SKI: variants seen among roughly 807,000 people sequenced by gnomAD.
SKI encodes the protein ski oncogene.
SKI carries 23 observed loss-of-function variants against 59.3 expected under a neutral mutation model. The ratio of observed to expected loss-of-function variants is 0.39; its 90% confidence interval spans 0.28 to 0.55. The LOEUF (loss-of-function observed/expected upper bound fraction) is 0.55, where lower values mean the gene tolerates loss of function less well. Ranked by LOEUF, SKI falls within the 20% of genes least tolerant of loss-of-function variation. The probability of loss-of-function intolerance (pLI) is 0.67; values close to 1 mark genes in which losing one functional copy is unlikely to be tolerated. For synonymous variants in SKI, 673 were observed against 488.6 expected, an observed-to-expected ratio of 1.38 and a Z score of -4.98; for missense variants, 1,017 against 1,038.9, an observed-to-expected ratio of 0.98 and a Z score of 0.29.
intron 1 of SKI, among the ~76,000 whole-genome samples, chr1:2,282,828 C>T (rs935006704): frequency 1.3e-5 from 2 of 152,190 alleles, no homozygotes; most frequent in Admixed American, 6.5e-5. Context: ...TAGTGACATT[C>T]GCAAGGGTGG....
In SKI at chr1:2,229,353, C is replaced by A; in HGVS notation, c.587C>A (p.Pro196Gln). The change falls in exon 1 of 7, where the codon CCG (proline) becomes CAG (glutamine). Residue 196 changes from proline (P) to glutamine (Q), a missense_variant. By Grantham distance (76) the Pro-to-Gln change is moderately conservative. Transcript: ENST00000378536. This position sits in a 1 kb window ranked among gnomAD's most constrained non-coding sequence, Gnocchi z 6.3. ...CNALLYGGAY[P>Q]PPCKKELAAS... is the part of the protein sequence containing the mutation. ...GCGCTGCTCTACGGCGGCGCCTACC[C>A]GCCGCCCTGCAAGAAGGAGCTGGCC... is the stretch of plus-strand genomic sequence containing the variant. The A allele has an allele frequency of 6.3e-7, 1 of 1,596,306 alleles. No individual in the cohort carries two copies. Among genetic ancestry groups the A allele is most frequent in the East Asian group, 2.3e-5 (1 of 44,040 alleles).
chr1:2,296,735 G>C (rs931936376), intron 1 of SKI, among the ~76,000 whole-genome samples: 1 of 151,878 alleles, frequency 6.6e-6, no homozygotes, highest in African/African-American at 2.4e-5. Context: ...ATTGTTTTCT[G>C]GGAAGCCTTG....
At position 2,303,655 on chromosome 1, in the gene SKI, C is replaced by A; in HGVS notation, c.1212-185C>A. On this transcript the variant is annotated intron_variant, in intron 3 of 6. Transcript: ENST00000378536. This position sits in a 1 kb window ranked among gnomAD's most constrained non-coding sequence, Gnocchi z 5.6. ...CTTGATGTGTTGGCCTGTGTCTGGC[C>A]TTCGCAAGAGACCCAGCAAGCAGAA... 1 of 850,694 alleles carries A rather than the reference C, an allele frequency of 1.2e-6. No homozygotes were observed. The highest frequency in any genetic ancestry group is 1.8e-6 in the Non-Finnish European group (1 of 547,812). 52.7% of individuals were successfully genotyped at this position (850,694 alleles called of 1,614,324 possible). A position where few individuals can be genotyped will look rare whatever the true frequency, so the allele number is the denominator to read the frequency against.
intron 5 of SKI, 38 bp downstream of exon 5, chr1:2,304,623 G>T: frequency 6.6e-7 from 1 of 1,521,680 alleles, no homozygotes; most frequent in Non-Finnish European, 8.8e-7. Flanking sequence ...TCCAGGGCAC[G>T]GGCAGTGAGC....
chr1:2,306,348 A>G (rs1469541406), intron 6 of SKI, 98 bp downstream of exon 6: 1 of 1,218,706 alleles, frequency 8.2e-7, no homozygotes, highest in African/African-American at 1.5e-5. Flanking sequence ...GCCTTGGAGC[A>G]GAAGCCAGGC....
chr1:2,232,130 G>A (rs1057161389), intron 1 of SKI, among the ~76,000 whole-genome samples: 1 of 152,244 alleles, frequency 6.6e-6, no homozygotes, highest in Non-Finnish European at 1.5e-5. Flanking sequence ...CCTCCCACTC[G>A]TGTCTTGACA....
chr1:2,299,126 C>T (rs56341331), intron 1 of SKI, among the ~76,000 whole-genome samples: 4 of 152,252 alleles, frequency 2.6e-5, no homozygotes, highest in Non-Finnish European at 5.9e-5. Flanking sequence ...AGGAAGCGAC[C>T]GTCAGCGCCG....
chr1:2,293,166 G>A (rs1172297565), intron 1 of SKI, among the ~76,000 whole-genome samples: 4 of 152,226 alleles, frequency 2.6e-5, no homozygotes, highest in Non-Finnish European at 5.9e-5. Flanking sequence ...GTGTGAGCTG[G>A]GGGTTGGGGC....
chr1:2,259,687 A>G (rs1359400508), intron 1 of SKI, among the ~76,000 whole-genome samples: 3 of 152,316 alleles, frequency 2.0e-5, no homozygotes, highest in Middle Eastern at 3.4e-3. Context: ...CGTCACCCAG[A>G]AGCTCTCTCC....
Position 2,303,640 on chromosome 1 carries a change from T to C in SKI, c.1212-200T>C. On this transcript the variant is annotated intron_variant, in intron 3 of 6. Transcript: ENST00000378536. The surrounding 1 kb of genome is among the most constrained non-coding windows in gnomAD (Gnocchi z 5.6). ...TGCTGGGCGCAGCTTCTTGATGTGT[T>C]GGCCTGTGTCTGGCCTTCGCAAGAG... 2.7e-6 allele frequency: 2 copies of C among 752,462 alleles called. No homozygotes were observed. The highest frequency in any genetic ancestry group is 5.4e-5 in the East Asian group (2 of 37,256). 46.6% of individuals were successfully genotyped at this position (752,462 alleles called of 1,614,324 possible). A position where few individuals can be genotyped will look rare whatever the true frequency, so the allele number is the denominator to read the frequency against.
chr1:2,284,664 G>A (rs1639993948), intron 1 of SKI, among the ~76,000 whole-genome samples: 1 of 152,180 alleles, frequency 6.6e-6, no homozygotes, highest in Non-Finnish European at 1.5e-5. Context: ...GCCTCTTGCG[G>A]CGGCTCCCTC....
At position 2,267,246 on chromosome 1, in the gene SKI, G is replaced by A. The variant is rs182495196; in HGVS notation, c.970-35732G>A. Among the ~76,000 whole-genome samples the A allele has an allele frequency of 1.3e-3, 203 of 152,246 alleles. 1 individual carries two copies. Among genetic ancestry groups the A allele is most frequent in the African/African-American group, 4.7e-3 (194 of 41,544 alleles). Reference sequence around the variant, plus strand: ...AATAACATCTGCAGGCACAGGCGACGATAGCAGTTGTGGGCCAGCCGTCAG... The same window carrying A: ...AATAACATCTGCAGGCACAGGCGACAATAGCAGTTGTGGGCCAGCCGTCAG... On this transcript the variant is annotated intron_variant, in intron 1 of 6. Transcript: ENST00000378536. The surrounding 1 kb of genome is among the most constrained non-coding windows in gnomAD (Gnocchi z 4.1).
chr1:2,282,684 G>C (rs1639920384), intron 1 of SKI, among the ~76,000 whole-genome samples: 1 of 152,200 alleles, frequency 6.6e-6, no homozygotes, highest in Non-Finnish European at 1.5e-5. Flanking sequence ...TAGGGCCTGG[G>C]TAGGGGCTGC....
At chr1:2,276,644 G>C (rs1247926051) in intron 1 of SKI, among the ~76,000 whole-genome samples, 1 of 152,252 alleles carries the variant, frequency 6.6e-6, no homozygotes, top group African/African-American at 2.4e-5. Flanking sequence ...CTCACTGTGT[G>C]GGGCTGGGGA....
intron 1 of SKI, among the ~76,000 whole-genome samples, chr1:2,274,894 G>A (rs1227421201): frequency 6.6e-6 from 1 of 152,214 alleles, no homozygotes; most frequent in Non-Finnish European, 1.5e-5. Context: ...TCAGCAGAGG[G>A]GACAAGACCC....
Position 2,306,016 on chromosome 1 carries a change from C to T in SKI, c.1768-4C>T, listed in dbSNP as rs200246585. 6.4e-6 allele frequency: 10 copies of T among 1,570,924 alleles called. No homozygotes were observed. In the East Asian group the frequency reaches 2.1e-4, roughly 33 times the overall value. On this transcript the variant is annotated splice_polypyrimidine_tract_variant and splice_region_variant and intron_variant, in intron 5 of 6. Transcript: ENST00000378536. Reference sequence around the variant, plus strand: ...AGTGACCCCGAGCCGCCTCCGGCCCCCAGGAGCTGGAGTTCCTACGCGTGG... The same window carrying T: ...AGTGACCCCGAGCCGCCTCCGGCCCTCAGGAGCTGGAGTTCCTACGCGTGG...
rs946543006 is a variant in SKI at position 2,228,908 on chromosome 1, A to G, written c.142A>G (p.Lys48Glu). ...GGCGCGCTGGGCGCAGGAGGCCTAC[A>G]AGAAGGAGAGCGCCAAGGAGGCGGG... ...FSARWAQEAYKKESAKEAGAA... is the reference protein window; with the variant it reads ...FSARWAQEAYEKESAKEAGAA... The change falls in exon 1 of 7, where the codon AAG becomes GAG. Residue 48 changes from lysine to glutamate, a missense_variant. Physicochemically the swap from Lys to Glu is moderately conservative, Grantham distance 56. Transcript: ENST00000378536. 7.1e-7 allele frequency: 1 copy of G among 1,411,296 alleles called. No individual in the cohort carries two copies. The highest frequency in any genetic ancestry group is 2.5e-5 in the Admixed American group (1 of 39,884). The allele number at this position is 1,411,296 out of a possible 1,614,324, so 87.4% of individuals were successfully genotyped here.
At chr1:2,260,557 T>TTTTTTTTG (rs1449350333) in intron 1 of SKI, among the ~76,000 whole-genome samples, 1 of 141,992 alleles carries the variant, frequency 7.0e-6, no homozygotes, top group Non-Finnish European at 1.5e-5. Context: ...TTTTTTTTTT[T>TTTTTTTTG]TGAGACAGGG....
At chr1:2,244,435 C>T (rs1378120756) in intron 1 of SKI, among the ~76,000 whole-genome samples, 2 of 152,078 alleles carry the variant, frequency 1.3e-5, no homozygotes, top group African/African-American at 2.4e-5. Context: ...CAAAAATTAC[C>T]TGGGCGTGGT....
Sources: allele counts gnomAD v4.1 joint callset (sites outside exome capture counted in the v4.1 genomes callset), GRCh38; gene constraint gnomAD v4.1.1; non-coding constraint Gnocchi (gnomAD v3.1); transcripts MANE v1.5; gene names NCBI Gene and HGNC (gene_info 2026-07-23, HGNC 2026-07-21).